ERBB4: variants seen among roughly 807,000 people sequenced by gnomAD.
The protein encoded by ERBB4 is erb-b2 receptor tyrosine kinase 4, also known as receptor tyrosine-protein kinase erbB-4.
ERBB4 carries 42 observed loss-of-function variants against 158.0 expected under a neutral mutation model. The observed-to-expected ratio is 0.27, with a 90% CI of 0.21 to 0.34. ERBB4 has a LOEUF of 0.34. Ranked by LOEUF, ERBB4 falls within the 10% of genes least tolerant of loss-of-function variation. ERBB4 has a pLI of 1.00. For missense variants in ERBB4, 1,333 were observed against 1,624.1 expected, an observed-to-expected ratio of 0.82 and a Z score of 3.08; for synonymous variants, 583 against 558.7, an observed-to-expected ratio of 1.04 and a Z score of -0.61.
Position 211,387,271 on chromosome 2 carries a change from G to GT in ERBB4, c.3184-122dup, listed in dbSNP as rs201174043. 1,415 of 878,764 alleles carry GT rather than the reference G, an allele frequency of 1.6e-3. 16 individuals carry two copies. The African/African-American group carries it at 0.02, about 12-fold the overall frequency. 54.4% of individuals were successfully genotyped at this position (878,764 alleles called of 1,614,324 possible). On this transcript the variant is annotated intron_variant, in intron 26 of 27. Coordinates refer to ENST00000342788, the MANE Select transcript of ERBB4 (RefSeq NM_005235.3). Reference sequence around the variant, plus strand: ...CAGAGAATAGTCATAGTATTTACTGGTTTTTTTTCCCCTAGTGGCTAATGG... The same window carrying GT: ...CAGAGAATAGTCATAGTATTTACTGGTTTTTTTTTCCCCTAGTGGCTAATGG...
chr2:211,891,747 T>A (rs2078974785), intron 3 of ERBB4, among the ~76,000 whole-genome samples: 1 of 138,852 alleles, frequency 7.2e-6, no homozygotes, highest in African/African-American at 2.9e-5. Flanking sequence ...CCCACAGAAA[T>A]ACAAACTACC....
At chr2:211,651,797 G>A (rs1170597415) in intron 16 of ERBB4, among the ~76,000 whole-genome samples, 8 of 152,248 alleles carry the variant, frequency 5.3e-5, no homozygotes, top group Admixed American at 3.3e-4. Flanking sequence ...AAGGAACTTG[G>A]TTCTGCCAAC....
chr2:211,920,315 T>C (rs2079823911), intron 3 of ERBB4, among the ~76,000 whole-genome samples: 1 of 152,038 alleles, frequency 6.6e-6, no homozygotes, highest in Non-Finnish European at 1.5e-5. Flanking sequence ...CATGCAAGTC[T>C]AGCTTATCTT....
chr2:211,720,055 T>G (rs7604206), intron 7 of ERBB4, among the ~76,000 whole-genome samples: 105,357 of 151,970 alleles, frequency 0.69, 36,849 homozygotes, highest in Admixed American at 0.73. Context: ...AAATCTTGCA[T>G]TCAACATCCA....
intron 2 of ERBB4, among the ~76,000 whole-genome samples, chr2:211,947,950 A>T (rs1417356596): frequency 6.6e-6 from 1 of 152,190 alleles, no homozygotes; most frequent in Non-Finnish European, 1.5e-5. Context: ...CAATAAGTTA[A>T]GGACACACAA....
At chr2:211,682,512 C>G in intron 12 of ERBB4, among the ~76,000 whole-genome samples, 1 of 152,110 alleles carries the variant, frequency 6.6e-6, no homozygotes, top group East Asian at 1.9e-4. Context: ...AATATCTGGT[C>G]AACCCACTCC....
At chr2:212,239,313 G>C (rs550937435) in intron 1 of ERBB4, among the ~76,000 whole-genome samples, 1 of 152,212 alleles carries the variant, frequency 6.6e-6, no homozygotes, top group African/African-American at 2.4e-5. Context: ...GAGTAGGTGA[G>C]ATGACAGGCA....
At chr2:212,344,374 G>A (rs949121499) in intron 1 of ERBB4, among the ~76,000 whole-genome samples, 1 of 152,040 alleles carries the variant, frequency 6.6e-6, no homozygotes, top group Non-Finnish European at 1.5e-5. Context: ...TCCAGACCTT[G>A]CTAAATGTCC....
chr2:212,143,641 C>T (rs917266148), intron 1 of ERBB4, among the ~76,000 whole-genome samples: 6 of 152,142 alleles, frequency 3.9e-5, no homozygotes, highest in Admixed American at 3.9e-4. Flanking sequence ...AAGTTTCTAT[C>T]CCACAGAAAA....
chr2:212,186,694 G>A (rs2082025427), intron 1 of ERBB4, among the ~76,000 whole-genome samples: 1 of 152,058 alleles, frequency 6.6e-6, no homozygotes, highest in Non-Finnish European at 1.5e-5. Flanking sequence ...ATGAAACAGG[G>A]ATCAGAATGA....
Position 211,395,392 on chromosome 2 carries a change from T to C in ERBB4, c.3136-7400A>G, listed in dbSNP as rs148144406. Among the ~76,000 whole-genome samples the C allele has an allele frequency of 1.1e-3, 170 of 152,232 alleles. 5 individuals are homozygous for C. In the East Asian group the frequency reaches 0.025, roughly 22 times the overall value. The stretch of plus-strand genomic sequence containing the variant: ...TGACGGTACTAGCAACAAGATTCCC[T>C]GAGTTCCCATCCAATGTACAATCTG... On this transcript the variant is annotated intron_variant, in intron 25 of 27. Transcript: ENST00000342788.
At chr2:211,420,371 G>T in intron 25 of ERBB4, 70 bp downstream of exon 25, 1 of 1,083,830 alleles carries the variant, frequency 9.2e-7, no homozygotes, top group Non-Finnish European at 1.4e-6. Context: ...TGAAATGTTA[G>T]TGCTTATGAA....
intron 1 of ERBB4, among the ~76,000 whole-genome samples, chr2:212,129,105 G>C (rs926229866): frequency 6.6e-6 from 1 of 151,556 alleles, no homozygotes; most frequent in Non-Finnish European, 1.5e-5. Flanking sequence ...CCAATTATGG[G>C]GATAATATAA....
chr2:212,234,966 C>T (rs1383202004), intron 1 of ERBB4, among the ~76,000 whole-genome samples: 1 of 152,086 alleles, frequency 6.6e-6, no homozygotes, highest in African/African-American at 2.4e-5. Flanking sequence ...TGTATAGAGG[C>T]TTTTTAGTTT....
At chr2:211,644,998 T>C (rs895373988) in intron 16 of ERBB4, among the ~76,000 whole-genome samples, 5 of 151,906 alleles carry the variant, frequency 3.3e-5, no homozygotes, top group African/African-American at 9.7e-5. Context: ...GAGTAAGAGA[T>C]AGCAGTTATT....
intron 3 of ERBB4, among the ~76,000 whole-genome samples, chr2:211,903,481 C>G (rs2079293568): frequency 6.6e-6 from 1 of 151,964 alleles, no homozygotes; most frequent in Admixed American, 6.6e-5. Context: ...AAGACCAATT[C>G]ATGAGAGTAA....
chr2:211,790,521 C>G (rs1401045450), intron 3 of ERBB4, among the ~76,000 whole-genome samples: 2 of 152,036 alleles, frequency 1.3e-5, no homozygotes, highest in Non-Finnish European at 2.9e-5. Context: ...CAGTATTAAT[C>G]TGCTATGAAT....
chr2:212,452,127 G>T (rs1388844887), intron 1 of ERBB4, among the ~76,000 whole-genome samples: 1 of 151,884 alleles, frequency 6.6e-6, no homozygotes, highest in African/African-American at 2.4e-5. Context: ...GTTATGTGTG[G>T]AATGAAGGGG....
At chr2:212,317,763 G>C (rs182407474) in intron 1 of ERBB4, among the ~76,000 whole-genome samples, 26 of 151,508 alleles carry the variant, frequency 1.7e-4, no homozygotes, top group Admixed American at 1.5e-3. Flanking sequence ...AAGTGGTAAG[G>C]CTAGGACTAG....
Sources: allele counts gnomAD v4.1 joint callset (sites outside exome capture counted in the v4.1 genomes callset), GRCh38; gene constraint gnomAD v4.1.1; transcripts MANE v1.5; gene names NCBI Gene and HGNC (gene_info 2026-07-23, HGNC 2026-07-21).